Variants in EPAS1 observed in about 807,000 individuals in gnomAD.
EPAS1 encodes the protein endothelial PAS domain-containing protein 1.
Under a neutral mutation model 87.9 loss-of-function variants are expected in EPAS1, and 23 were observed. That is an observed-to-expected ratio of 0.26 (90% confidence interval 0.19 to 0.37). The LOEUF is 0.37. Ranked by LOEUF, EPAS1 falls within the 10% of genes least tolerant of loss-of-function variation. The pLI is 1.00. For synonymous variants in EPAS1, 508 were observed against 444.3 expected, an observed-to-expected ratio of 1.14 and a Z score of -1.80; for missense variants, 1,138 against 1,120.7, an observed-to-expected ratio of 1.02 and a Z score of -0.22.
At chr2:46,306,008 G>C (rs1683103690) in intron 1 of EPAS1, among the ~76,000 whole-genome samples, 1 of 152,144 alleles carries the variant, frequency 6.6e-6, no homozygotes, top group Non-Finnish European at 1.5e-5. Flanking sequence ...CCCTGATGCT[G>C]GCCTGTGACT....
In EPAS1 at chr2:46,360,037, C is replaced by T. The variant is rs920543214; in HGVS notation, c.455-601C>T. ...CAAGTCCACTGTAAGGAGATTCGTACCAGAGTTCTCTCTAGAGCCTTGATA... is the reference window on the plus strand; with the variant it reads ...CAAGTCCACTGTAAGGAGATTCGTATCAGAGTTCTCTCTAGAGCCTTGATA... On this transcript the variant is annotated intron_variant, in intron 4 of 15. Coordinates refer to ENST00000263734, the MANE Select transcript of EPAS1 (RefSeq NM_001430.5). The surrounding 1 kb of genome is among the most constrained non-coding windows in gnomAD (Gnocchi z 4.5). Among the ~76,000 whole-genome samples the T allele has an allele frequency of 1.3e-5, 2 of 152,122 alleles. No individual in the cohort carries two copies. The highest frequency in any genetic ancestry group is 6.5e-5 in the Admixed American group (1 of 15,270).
chr2:46,322,274 G>A (rs1203799315), intron 1 of EPAS1, among the ~76,000 whole-genome samples: 1 of 152,146 alleles, frequency 6.6e-6, no homozygotes, highest in Non-Finnish European at 1.5e-5. Flanking sequence ...ATTTTTACAA[G>A]AAAAAGAAGT....
chr2:46,348,900 T>C (rs1166881516), intron 2 of EPAS1, among the ~76,000 whole-genome samples: 6 of 152,214 alleles, frequency 3.9e-5, no homozygotes, highest in Admixed American at 1.3e-4. Flanking sequence ...AACCTGTATA[T>C]TAATTGTAGA....
chr2:46,347,237 G>A lies in EPAS1; in HGVS notation c.217+174G>A, dbSNP rs1684049781. 9 of 738,044 alleles carry A rather than the reference G, an allele frequency of 1.2e-5. No homozygotes were observed. The highest frequency in any genetic ancestry group is 1.8e-5 in the Non-Finnish European group (8 of 433,830). The allele number at this position is 738,044 out of a possible 1,614,324, so 45.7% of individuals were successfully genotyped here. On this transcript the variant is annotated intron_variant, in intron 2 of 15. Coordinates refer to ENST00000263734, the MANE Select transcript of EPAS1 (RefSeq NM_001430.5). This position sits in a 1 kb window ranked among gnomAD's most constrained non-coding sequence, Gnocchi z 4.2. ...CTTCATGTTAAACATCTCTCTTCCA[G>A]CAGTGACCTTTACCGTGAATCCAGC...
chr2:46,362,773 A>G (rs1009818843), intron 6 of EPAS1, among the ~76,000 whole-genome samples: 2 of 152,238 alleles, frequency 1.3e-5, no homozygotes, highest in African/African-American at 4.8e-5. Context: ...TTGTAAAAGT[A>G]TCCTTGAGTC....
At chr2:46,345,520 G>C (rs928251698) in intron 1 of EPAS1, among the ~76,000 whole-genome samples, 3 of 152,052 alleles carry the variant, frequency 2.0e-5, no homozygotes, top group African/African-American at 7.2e-5. Flanking sequence ...CCATTTACCT[G>C]CTGGAGGCCA....
intron 12 of EPAS1, 142 bp from the exon 13 acceptor site, chr2:46,381,454 C>G: frequency 1.5e-6 from 2 of 1,353,896 alleles, no homozygotes; most frequent in Admixed American, 1.8e-5. Context: ...AGGTGCACAG[C>G]CTGCCTCTGA....
chr2:46,338,582 C>CT (rs1413691743), intron 1 of EPAS1, among the ~76,000 whole-genome samples: 1 of 152,230 alleles, frequency 6.6e-6, no homozygotes, highest in Non-Finnish European at 1.5e-5. Flanking sequence ...GGAAAGAACA[C>CT]TTTATTTTTA....
At chr2:46,302,542 C>T (rs1366792926) in intron 1 of EPAS1, among the ~76,000 whole-genome samples, 1 of 151,938 alleles carries the variant, frequency 6.6e-6, no homozygotes. Context: ...TCTGTACTTC[C>T]ACCCCTCTCC....
chr2:46,374,677 T>C (rs1274479630), intron 7 of EPAS1, among the ~76,000 whole-genome samples: 1 of 152,214 alleles, frequency 6.6e-6, no homozygotes, highest in Non-Finnish European at 1.5e-5. Flanking sequence ...TGGGAGCTTC[T>C]GAGCTGGAGT....
At chr2:46,344,578 C>T (rs978200058) in intron 1 of EPAS1, among the ~76,000 whole-genome samples, 2 of 152,266 alleles carry the variant, frequency 1.3e-5, no homozygotes, top group Non-Finnish European at 1.5e-5. Context: ...AACTTTTTCT[C>T]CACAATCAGG....
At chr2:46,359,278 A>AAAAAAAAAAAAAAAAAAAAAAC (rs1684337796) in intron 4 of EPAS1, among the ~76,000 whole-genome samples, 1 of 149,386 alleles carries the variant, frequency 6.7e-6, no homozygotes, top group East Asian at 2.0e-4. Context: ...AAAAAAAAAA[A>AAAAAAAAAAAAAAAAAAAAAAC]AAAGATCAAA....
At chr2:46,361,944 A>G (rs1684398349) in intron 6 of EPAS1, among the ~76,000 whole-genome samples, 2 of 152,162 alleles carry the variant, frequency 1.3e-5, no homozygotes, top group African/African-American at 4.8e-5. Context: ...AGGTAGGAGG[A>G]GGAAGATGGG....
Position 46,380,705 on chromosome 2 carries a change from C to A in EPAS1, c.2033C>A (p.Thr678Asn). The A allele has an allele frequency of 6.2e-7, 1 of 1,612,070 alleles. No homozygotes were observed. The highest frequency in any genetic ancestry group is 8.5e-7 in the Non-Finnish European group (1 of 1,180,018). ...CCTGTCTCTCCACCCCATGTCTCCA[C>A]CTTCAAGACAAGGTAAGTGGCAGAT... ...GPPVSPPHVS[T>N]FKTRSAKGFG... Residue 678 changes from threonine to asparagine, a missense_variant, in exon 12 of 16, where the codon ACC becomes AAC. This residue lies in a region of EPAS1 where 502 missense variants were observed against 427.1 expected (regional missense o/e 1.18). Coordinates refer to ENST00000263734, the MANE Select transcript of EPAS1 (RefSeq NM_001430.5). The surrounding 1 kb of genome is among the most constrained non-coding windows in gnomAD (Gnocchi z 4.4).
At chr2:46,379,267 C>T (rs536154232) in intron 11 of EPAS1, among the ~76,000 whole-genome samples, 17 of 152,266 alleles carry the variant, frequency 1.1e-4, no homozygotes, top group African/African-American at 4.1e-4. Flanking sequence ...AATGTTCTTG[C>T]AAAAACTATG....
chr2:46,369,549 C>A (rs1012288126), intron 6 of EPAS1, among the ~76,000 whole-genome samples: 3 of 152,116 alleles, frequency 2.0e-5, no homozygotes, highest in African/African-American at 7.2e-5. Flanking sequence ...ATGTGTGTAC[C>A]GGGGTGGTGG....
intron 1 of EPAS1, among the ~76,000 whole-genome samples, chr2:46,328,774 A>G (rs940522178): frequency 2.1e-4 from 32 of 152,234 alleles, no homozygotes; most frequent in Middle Eastern, 3.2e-3. Context: ...GGTGAAATGT[A>G]CAATATCTTC....
At chr2:46,338,015 A>G (rs1683830792) in intron 1 of EPAS1, among the ~76,000 whole-genome samples, 1 of 152,188 alleles carries the variant, frequency 6.6e-6, no homozygotes, top group Non-Finnish European at 1.5e-5. Flanking sequence ...AAAGCTCATC[A>G]GATTTAGTAT....
chr2:46,297,720 C>A lies in EPAS1; in HGVS notation c.-192C>A. 1.6e-6 allele frequency: 1 copy of A among 639,580 alleles called. No homozygotes were observed. The highest frequency in any genetic ancestry group is 2.7e-6 in the Non-Finnish European group (1 of 376,232). The allele number at this position is 639,580 out of a possible 1,614,324, so 39.6% of individuals were successfully genotyped here. ...GCAGGTTCCTCCCAGTCACCTTTCT[C>A]CACCCCCGCCCCCGCACCTAGCCCG... On this transcript the variant is annotated 5_prime_UTR_variant, in exon 1 of 16. Coordinates refer to ENST00000263734, the MANE Select transcript of EPAS1 (RefSeq NM_001430.5).
Sources: gnomAD v4.1 joint callset for allele counts (sites outside exome capture counted in the v4.1 genomes callset) on GRCh38, gnomAD v4.1.1 for gene constraint, gnomAD v4.1.1 regional missense constraint, Gnocchi (gnomAD v3.1) non-coding constraint, MANE v1.5 for transcripts, NCBI Gene and HGNC (gene_info 2026-07-23, HGNC 2026-07-21) for gene names.